POU2F1: variants seen among roughly 807,000 people sequenced by gnomAD.
POU2F1 encodes the protein POU class 2 homeobox 1.
POU2F1 carries 16 observed loss-of-function variants against 84.9 expected under a neutral mutation model. The ratio of observed to expected loss-of-function variants is 0.19; its 90% CI spans 0.13 to 0.29. The LOEUF is 0.29. Ranked by LOEUF, POU2F1 falls within the 10% of genes least tolerant of loss-of-function variation. POU2F1 has a pLI of 1.00. For synonymous variants in POU2F1, 368 were observed against 368.3 expected, an observed-to-expected ratio of 1.00 and a Z score of 0.01; for missense variants, 738 against 942.6, an observed-to-expected ratio of 0.78 and a Z score of 2.84.
At chr1:167,224,239 A>G (rs576204613) in intron 1 of POU2F1, among the ~76,000 whole-genome samples, 1 of 152,336 alleles carries the variant, frequency 6.6e-6, no homozygotes, top group South Asian at 2.1e-4. Flanking sequence ...AGTGACCCAT[A>G]TAAATGTTTG....
chr1:167,398,021 C>G lies in POU2F1; in HGVS notation c.1157C>G (p.Ser386Cys), dbSNP rs1648934642. Residue 386 changes from serine to cysteine, a missense_variant, in exon 11 of 16, where the codon TCC becomes TGC. Physicochemically the swap from Ser to Cys is moderately radical, Grantham distance 112. Around this residue, in one of 4 missense-constraint regions of POU2F1, gnomAD observed 95 missense variants for 195.1 expected, o/e 0.49. Transcript: ENST00000367866. ...AENLSSDSSL[S>C]SPSALNSPGI... Reference sequence around the variant, plus strand: ...AACCTCTCATCTGATTCGTCCCTCTCCAGCCCAAGTGCCCTGAATTCTCCA... The same window carrying G: ...AACCTCTCATCTGATTCGTCCCTCTGCAGCCCAAGTGCCCTGAATTCTCCA... 3.1e-6 allele frequency: 5 copies of G among 1,613,926 alleles called. No individual in the cohort carries two copies. Among genetic ancestry groups the G allele is most frequent in the Non-Finnish European group, 4.2e-6 (5 of 1,179,848 alleles).
At chr1:167,290,639 A>G (rs1653860368) in intron 1 of POU2F1, among the ~76,000 whole-genome samples, 1 of 152,226 alleles carries the variant, frequency 6.6e-6, no homozygotes, top group Admixed American at 6.5e-5. Context: ...ATCTCTCAAA[A>G]TTGTTTGTTG....
At chr1:167,389,852 T>A in intron 9 of POU2F1, 91 bp downstream of exon 9, 2 of 1,395,428 alleles carry the variant, frequency 1.4e-6, no homozygotes, top group Non-Finnish European at 2.0e-6. Context: ...CATCTGTGGA[T>A]TCAACTAGTC....
intron 7 of POU2F1, 164 bp from the exon 8 acceptor site, chr1:167,383,693 C>A: frequency 1.7e-6 from 1 of 577,626 alleles, no homozygotes; most frequent in Non-Finnish European, 3.1e-6. Context: ...AGTTGTAAAA[C>A]AAGATTGAAT....
chr1:167,397,487 A>G (rs542084048), intron 10 of POU2F1, among the ~76,000 whole-genome samples: 89 of 152,306 alleles, frequency 5.8e-4, no homozygotes, highest in Admixed American at 2.6e-3. Context: ...CCTAGCAGAA[A>G]GAATGCCAAT....
chr1:167,357,766 C>G lies in POU2F1; in HGVS notation c.128-7701C>G, dbSNP rs11589454. On this transcript the variant is annotated intron_variant, in intron 2 of 15. Transcript: ENST00000367866. Reference sequence around the variant, plus strand: ...TTGAGATTTCTATATGATTCCACCCCGCCCTTTATTGAACTTGGTGAATCT... The same window carrying G: ...TTGAGATTTCTATATGATTCCACCCGGCCCTTTATTGAACTTGGTGAATCT... Among the ~76,000 whole-genome samples the G allele has an allele frequency of 1.8e-3, 266 of 151,392 alleles. 1 individual carries two copies. Among genetic ancestry groups the G allele is most frequent in the Admixed American group, 3.6e-3 (54 of 15,186 alleles).
Position 167,349,386 on chromosome 1 carries a change from C to G in POU2F1, c.128-16081C>G, listed in dbSNP as rs140939380. ...AAATGCATTACTTGTGCACCCCGGC[C>G]AGACTCGCTATCCCTTTTCCTCTTT... On this transcript the variant is annotated intron_variant, in intron 2 of 15. Coordinates refer to ENST00000367866, the MANE Select transcript of POU2F1 (RefSeq NM_002697.4). 1.0e-3 allele frequency among the ~76,000 whole-genome samples: 159 copies of G among 152,268 alleles called. 1 individual carries two copies. The highest frequency in any genetic ancestry group is 3.6e-3 in the African/African-American group (148 of 41,542).
intron 1 of POU2F1, among the ~76,000 whole-genome samples, chr1:167,295,839 C>T (rs768312812): frequency 3.3e-5 from 5 of 151,894 alleles, no homozygotes; most frequent in Non-Finnish European, 7.4e-5. Context: ...TCTTAAGGGT[C>T]GTTGTAAATT....
At chr1:167,236,234 C>A (rs192665765) in intron 1 of POU2F1, among the ~76,000 whole-genome samples, 1 of 151,792 alleles carries the variant, frequency 6.6e-6, no homozygotes, top group African/African-American at 2.4e-5. Flanking sequence ...TCCTGAGGAG[C>A]TGGGATTACA....
chr1:167,410,538 C>A (rs1011764436), intron 13 of POU2F1, among the ~76,000 whole-genome samples: 2 of 151,090 alleles, frequency 1.3e-5, no homozygotes, highest in African/African-American at 2.4e-5. Flanking sequence ...TTATTTTTAA[C>A]GGAGTCTTAC....
At chr1:167,406,497 T>G (rs1429673266) in intron 13 of POU2F1, among the ~76,000 whole-genome samples, 2 of 152,098 alleles carry the variant, frequency 1.3e-5, no homozygotes, top group Non-Finnish European at 1.5e-5. Context: ...GACTTCTGAT[T>G]AACATCGTCC....
intron 7 of POU2F1, chr1:167,379,661 T>C (rs942867216): frequency 1.3e-5 from 2 of 152,280 alleles, no homozygotes; most frequent in East Asian, 3.9e-4. Flanking sequence ...AAGGAGAAAG[T>C]GACCTAGATC....
At chr1:167,222,291 ACT>A (rs1648287657) in intron 1 of POU2F1, among the ~76,000 whole-genome samples, 1 of 151,330 alleles carries the variant, frequency 6.6e-6, no homozygotes, top group African/African-American at 2.4e-5. Context: ...GGTCGTCTTT[ACT>A]CTCTGCTTAG....
intron 1 of POU2F1, among the ~76,000 whole-genome samples, chr1:167,322,948 A>C (rs1656428723): frequency 6.6e-6 from 1 of 152,188 alleles, no homozygotes. Context: ...CCTTGCCGTC[A>C]TTCCGGTAAA....
At chr1:167,292,898 C>T (rs538734272) in intron 1 of POU2F1, among the ~76,000 whole-genome samples, 3 of 152,194 alleles carry the variant, frequency 2.0e-5, no homozygotes, top group African/African-American at 7.2e-5. Context: ...GAATTACAAA[C>T]AAAAACCATA....
intron 1 of POU2F1, among the ~76,000 whole-genome samples, chr1:167,226,582 C>T (rs897727204): frequency 4.6e-5 from 7 of 152,082 alleles, no homozygotes; most frequent in Non-Finnish European, 8.8e-5. Context: ...CAAAAATAGC[C>T]TGAGTAGAGC....
At chr1:167,356,362 T>C (rs1460640596) in intron 2 of POU2F1, among the ~76,000 whole-genome samples, 4 of 152,140 alleles carry the variant, frequency 2.6e-5, no homozygotes, top group Non-Finnish European at 5.9e-5. Context: ...CTTATTCTAA[T>C]AATAAATTAT....
intron 1 of POU2F1, among the ~76,000 whole-genome samples, chr1:167,296,640 T>G (rs1231779213): frequency 6.6e-6 from 1 of 152,112 alleles, no homozygotes; most frequent in Non-Finnish European, 1.5e-5. Context: ...AAAAATAAAT[T>G]TACAAAAACT....
At chr1:167,410,955 CAGTT>C (rs1194366612) in intron 13 of POU2F1, among the ~76,000 whole-genome samples, 7 of 152,196 alleles carry the variant, frequency 4.6e-5, no homozygotes, top group African/African-American at 1.4e-4. Flanking sequence ...TATTTAATGT[CAGTT>C]AGTCATTTAT....
Sources: gnomAD v4.1 joint callset for allele counts (sites outside exome capture counted in the v4.1 genomes callset) on GRCh38, gnomAD v4.1.1 for gene constraint, gnomAD v4.1.1 regional missense constraint, MANE v1.5 for transcripts, NCBI Gene and HGNC (gene_info 2026-07-23, HGNC 2026-07-21) for gene names.